Variants in OMD observed in about 807,000 individuals in gnomAD.
OMD encodes KSPG osteomodulin.
Under a neutral mutation model 31.2 loss-of-function variants are expected in OMD, and 19 were observed. That is an observed-to-expected ratio of 0.61 (90% CI 0.42 to 0.89). The LOEUF (loss-of-function observed/expected upper bound fraction) is 0.89, where lower values mean the gene tolerates loss of function less well. Among genes scored for constraint, OMD ranks in the 40% least tolerant of loss-of-function variants. OMD has a pLI of 0.00. For synonymous variants in OMD, 155 were observed against 166.4 expected (o/e 0.93, Z 0.53); for missense variants, 448 against 490.8 (o/e 0.91, Z 0.82).
At chr9:92,420,226 A>G (rs1405401880) in intron 1 of OMD, among the ~76,000 whole-genome samples, 2 of 152,026 alleles carry the variant, frequency 1.3e-5, no homozygotes, top group Non-Finnish European at 2.9e-5. Context: ...TAATTCTCCA[A>G]TTTCCGTGGA....
chr9:92,415,810 C>T (rs1460744917), intron 2 of OMD, among the ~76,000 whole-genome samples: 2 of 145,502 alleles, frequency 1.4e-5, no homozygotes, highest in Non-Finnish European at 3.0e-5. Flanking sequence ...TATATATATA[C>T]ATATATAAAA....
Position 92,422,600 on chromosome 9 carries a change from T to C in OMD, c.-17+1602A>G, listed in dbSNP as rs945913773. 3.3e-5 allele frequency among the ~76,000 whole-genome samples: 5 copies of C among 152,354 alleles called. No homozygotes were observed. The East Asian group carries it at 5.8e-4, about 18-fold the overall frequency. ...TTTCCTTGAGGAACAATTTCTCTTC[T>C]AAACCTGAACTTATCTTAAACATCC... On this transcript the variant is annotated intron_variant, in intron 1 of 2. Transcript: ENST00000375550.
Position 92,413,016 on chromosome 9 carries a change from C to CTTTTTTTTTT in OMD, c.*2135_*2136insAAAAAAAAAA, listed in dbSNP as rs1843490083. On this transcript the variant is annotated 3_prime_UTR_variant, in exon 3 of 3. Transcript: ENST00000375550. Reference sequence around the variant, plus strand: ...TTTTTTTTTTTGATATGGACTTTTGCTCTTGTTGCCCAGGCTGGAGTGCAA... The same window carrying CTTTTTTTTTT: ...TTTTTTTTTTTGATATGGACTTTTGCTTTTTTTTTTTCTTGTTGCCCAGGCTGGAGTGCAA... Among the ~76,000 whole-genome samples the CTTTTTTTTTT allele has an allele frequency of 1.7e-5, 1 of 57,534 alleles. No individual in the cohort carries two copies. The highest frequency in any genetic ancestry group is 3.1e-5 in the Non-Finnish European group (1 of 32,762). The allele number at this position is 57,534 out of a possible 152,430, so 37.7% of individuals were successfully genotyped here.
At chr9:92,418,081 C>CT (rs144702027) in intron 1 of OMD, among the ~76,000 whole-genome samples, 4,676 of 150,084 alleles carry the variant, frequency 0.031, 112 homozygotes, top group South Asian at 0.084. Flanking sequence ...TTTCTTTTTT[C>CT]TTTTTCTTTT....
chr9:92,424,027 T>C (rs1843893534), intron 1 of OMD, among the ~76,000 whole-genome samples, 175 bp downstream of exon 1: 1 of 152,202 alleles, frequency 6.6e-6, no homozygotes, highest in African/African-American at 2.4e-5. Flanking sequence ...CTACTTTATT[T>C]GAACATTTTG....
chr9:92,415,543 T>A, intron 2 of OMD, 66 bp from the exon 3 acceptor site: 1 of 847,606 alleles, frequency 1.2e-6, no homozygotes, highest in Non-Finnish European at 1.7e-6. Context: ...GCCATAATTC[T>A]ATGTTAGATT....
Position 92,415,070 on chromosome 9 carries a change from T to G in OMD, c.*82A>C, listed in dbSNP as rs1413597351. 3.9e-6 allele frequency: 4 copies of G among 1,029,242 alleles called. No homozygotes were observed. Among genetic ancestry groups the G allele is most frequent in the Non-Finnish European group, 5.6e-6 (4 of 719,518 alleles). The allele number at this position is 1,029,242 out of a possible 1,614,324, so 63.8% of individuals were successfully genotyped here. On this transcript the variant is annotated 3_prime_UTR_variant, in exon 3 of 3. Coordinates refer to ENST00000375550, the MANE Select transcript of OMD (RefSeq NM_005014.3). ...ATACATAATTCTAAATATATTACTT[T>G]GAGTAATACATGTTTACTTAGATTT...
intron 1 of OMD, among the ~76,000 whole-genome samples, chr9:92,419,374 C>A (rs1454485549): frequency 6.8e-6 from 1 of 147,622 alleles, no homozygotes; most frequent in Middle Eastern, 3.6e-3. Flanking sequence ...GATCTCGGCT[C>A]ACTGCAGCCA....
rs35323105 is a variant in OMD at position 92,412,975 on chromosome 9, CTTTTTTTT to C, written c.*2169_*2176del. ...AATCGCTGGGTTATATGTAACTAAG[CTTTTTTTT>C]TTTTTTTTTTTTTTTTTTGATATGG... On this transcript the variant is annotated 3_prime_UTR_variant, in exon 3 of 3. Transcript: ENST00000375550. Among the ~76,000 whole-genome samples, 1 of 45,244 alleles carries C rather than the reference CTTTTTTTT, an allele frequency of 2.2e-5. No individual in the cohort carries two copies. The highest frequency in any genetic ancestry group is 1.0e-4 in the African/African-American group (1 of 9,850). 29.7% of individuals were successfully genotyped at this position (45,244 alleles called of 152,430 possible).
intron 1 of OMD, among the ~76,000 whole-genome samples, chr9:92,422,823 A>G (rs761254105): frequency 6.6e-6 from 1 of 151,978 alleles, no homozygotes; most frequent in Non-Finnish European, 1.5e-5. Context: ...TCATTCCCCA[A>G]CTAATCTCTT....
At chr9:92,421,366 G>A (rs1843788072) in intron 1 of OMD, among the ~76,000 whole-genome samples, 1 of 152,164 alleles carries the variant, frequency 6.6e-6, no homozygotes, top group Admixed American at 6.5e-5. Flanking sequence ...CTGACCTGAG[G>A]AATTTGCACT....
intron 1 of OMD, among the ~76,000 whole-genome samples, chr9:92,423,462 A>G (rs1206473916): frequency 6.6e-6 from 1 of 152,196 alleles, no homozygotes; most frequent in Non-Finnish European, 1.5e-5. Context: ...TGTTAAAGAC[A>G]TAATTGTTTT....
At chr9:92,416,528 T>C in intron 2 of OMD, 91 bp downstream of exon 2, 1 of 798,716 alleles carries the variant, frequency 1.3e-6, no homozygotes. Flanking sequence ...TTTTCAGCAA[T>C]GTCTAAAGCA....
chr9:92,416,580 A>G (rs568035423), intron 2 of OMD, 39 bp downstream of exon 2: 2 of 1,250,070 alleles, frequency 1.6e-6, no homozygotes, highest in South Asian at 1.5e-5. Flanking sequence ...TCAGGATTCC[A>G]TTCTTTCTCT....
intron 1 of OMD, among the ~76,000 whole-genome samples, chr9:92,421,283 G>GC (rs1251007087): frequency 6.6e-6 from 1 of 152,096 alleles, no homozygotes. Context: ...CAACCAGTCT[G>GC]CCCCCCTCAG....
In OMD at chr9:92,420,175, G is replaced by A. The variant is rs184181168; in HGVS notation, c.-16-2601C>T. Among the ~76,000 whole-genome samples the A allele has an allele frequency of 6.1e-4, 93 of 152,060 alleles. 1 individual carries two copies. Among genetic ancestry groups the A allele is most frequent in the African/African-American group, 1.8e-3 (76 of 41,458 alleles). On this transcript the variant is annotated intron_variant, in intron 1 of 2. Coordinates refer to ENST00000375550, the MANE Select transcript of OMD (RefSeq NM_005014.3). ...TCATACTCTTCATTTTGAGTATTCCGCACTCAGACCACTATCTCTATGTAG... is the reference window on the plus strand; with the variant it reads ...TCATACTCTTCATTTTGAGTATTCCACACTCAGACCACTATCTCTATGTAG...
chr9:92,414,750 A>T lies in OMD; in HGVS notation c.*402T>A, dbSNP rs1843538093. 4.6e-6 allele frequency: 1 copy of T among 218,556 alleles called. No individual in the cohort carries two copies. Among genetic ancestry groups the T allele is most frequent in the African/African-American group, 2.2e-5 (1 of 44,516 alleles). The allele number at this position is 218,556 out of a possible 1,614,324, so 13.5% of individuals were successfully genotyped here. On this transcript the variant is annotated 3_prime_UTR_variant, in exon 3 of 3. Coordinates refer to ENST00000375550, the MANE Select transcript of OMD (RefSeq NM_005014.3). ...ATTAATATACCTTCCTGTCATTTAA[A>T]TATTGTCCTCAGAGTGATCAAAAAG... is the stretch of plus-strand genomic sequence containing the variant.
At chr9:92,421,291 C>T (rs1444065489) in intron 1 of OMD, among the ~76,000 whole-genome samples, 4 of 152,222 alleles carry the variant, frequency 2.6e-5, no homozygotes, top group Non-Finnish European at 2.9e-5. Flanking sequence ...CTGCCCCCCT[C>T]AGCCTCCCAA....
rs959029259 is a variant in OMD, at chr9:92,416,698, A to C, written c.861T>G (p.Val287=). The C allele has an allele frequency of 1.2e-5, 19 of 1,613,612 alleles. No homozygotes were observed. Among genetic ancestry groups the C allele is most frequent in the Non-Finnish European group, 1.6e-5 (19 of 1,179,826 alleles). ...ATGCTTGCTTCAATTTGTTGTGTCCAACACTGAGTTCTACAATGTTGGGAA... is the reference window on the plus strand; with the variant it reads ...ATGCTTGCTTCAATTTGTTGTGTCCCACACTGAGTTCTACAATGTTGGGAA... ...FNLPNIVELS[V]GHNKLKQAFY... Residue 287 remains valine, a synonymous_variant, in exon 2 of 3, where the codon GTT becomes GTG. Transcript: ENST00000375550.
Sources: allele counts gnomAD v4.1 joint callset (sites outside exome capture counted in the v4.1 genomes callset), GRCh38; gene constraint gnomAD v4.1.1; transcripts MANE v1.5; gene names NCBI Gene and HGNC (gene_info 2026-07-23, HGNC 2026-07-21).